The following COL23A1 variants were observed in gnomAD, a reference collection of about 807,000 sequenced individuals.
COL23A1 encodes the protein collagen alpha-1(XXIII) chain.
In COL23A1, 97 loss-of-function variants were observed where a neutral mutation model predicts 99.3. The ratio of observed to expected loss-of-function variants is 0.98; its 90% CI spans 0.83 to 1.16. The LOEUF (loss-of-function observed/expected upper bound fraction) is 1.16. Among genes scored for constraint, COL23A1 ranks in the 50% most tolerant of loss-of-function variants. The pLI, the probability that COL23A1 is intolerant of heterozygous loss-of-function variation, is 0.00. For synonymous variants in COL23A1, 320 were observed against 308.2 expected (o/e 1.04, Z -0.40); for missense variants, 762 against 757.4 (o/e 1.01, Z -0.07).
chr5:178,275,388 A>G (rs72819037), intron 5 of COL23A1, among the ~76,000 whole-genome samples: 10,877 of 152,266 alleles, frequency 0.071, 492 homozygotes, highest in East Asian at 0.11. Context: ...CCACCTGTGA[A>G]GCTGAGGCTT....
intron 2 of COL23A1, among the ~76,000 whole-genome samples, chr5:178,353,891 G>A (rs998592763): frequency 6.6e-6 from 1 of 151,208 alleles, no homozygotes; most frequent in Non-Finnish European, 1.5e-5. Flanking sequence ...GATAGACCAC[G>A]ATGTAGAAAC....
chr5:178,259,686 A>G, intron 12 of COL23A1, 35 bp downstream of exon 12: 3 of 1,591,092 alleles, frequency 1.9e-6, no homozygotes, highest in Non-Finnish European at 2.6e-6. Flanking sequence ...ACTTCCCAAC[A>G]CTGACCCGGA....
chr5:178,248,079 C>T, intron 20 of COL23A1, 113 bp downstream of exon 20: 6 of 799,804 alleles, frequency 7.5e-6, no homozygotes, highest in Non-Finnish European at 1.3e-5. Context: ...TCTCCCTCCC[C>T]TACTGCCCTG....
chr5:178,573,362 C>A (rs1763200537), intron 1 of COL23A1, among the ~76,000 whole-genome samples: 2 of 152,228 alleles, frequency 1.3e-5, no homozygotes, highest in African/African-American at 4.8e-5. Flanking sequence ...CCAGCAGAGT[C>A]ATGGCAAAGG....
intron 5 of COL23A1, among the ~76,000 whole-genome samples, chr5:178,285,877 G>A (rs1165551476): frequency 1.3e-5 from 2 of 152,252 alleles, no homozygotes; most frequent in Non-Finnish European, 2.9e-5. Flanking sequence ...TTCCACTCAG[G>A]ACTGGGCCCC....
At position 178,565,307 on chromosome 5, in the gene COL23A1, G is replaced by A. The variant is rs1351088778; in HGVS notation, c.295-4559C>T. On this transcript the variant is annotated intron_variant, in intron 1 of 28. Coordinates refer to ENST00000390654, the MANE Select transcript of COL23A1 (RefSeq NM_173465.4). ...AAATCCCCCCGCTGAGGGCAATTTC[G>A]GAGCGACAGACTCTGTCTCCTCAGG... Among the ~76,000 whole-genome samples, 11 of 152,258 alleles carry A rather than the reference G, an allele frequency of 7.2e-5. No homozygotes were observed. The East Asian group carries it at 1.2e-3, about 16-fold the overall frequency.
chr5:178,438,761 A>C (rs983632493), intron 2 of COL23A1: 2 of 152,236 alleles, frequency 1.3e-5, no homozygotes, highest in African/African-American at 4.8e-5. Flanking sequence ...CGAGAGAATC[A>C]AGAACACTCT....
Position 178,248,251 on chromosome 5 carries a change from C to A in COL23A1, c.1153G>T (p.Ala385Ser), listed in dbSNP as rs1253792479. The part of the protein sequence containing the change: ...GEMGLSGLPG[A>S]DGLKGEKGES... ...CCCTTCTCCCCCTTGAGGCCGTCAG[C>A]GCCCTGCAGGACGGCAATGGCCTGT... The change falls in exon 20 of 29, where the codon GCT (alanine) becomes TCT (serine). Residue 385 changes from alanine to serine, a missense_variant. By Grantham distance (99) the Ala-to-Ser change is moderately conservative (BLOSUM62 1). Coordinates refer to ENST00000390654, the MANE Select transcript of COL23A1 (RefSeq NM_173465.4). The A allele has an allele frequency of 6.2e-7, 1 of 1,609,022 alleles. No individual in the cohort carries two copies.
intron 1 of COL23A1, among the ~76,000 whole-genome samples, chr5:178,588,082 G>A (rs939505457): frequency 6.6e-6 from 1 of 152,190 alleles, no homozygotes; most frequent in African/African-American, 2.4e-5. Context: ...CAGAATACAG[G>A]GTTCCCTGGA....
At chr5:178,586,742 C>G (rs1286650483) in intron 1 of COL23A1, among the ~76,000 whole-genome samples, 1 of 152,128 alleles carries the variant, frequency 6.6e-6, no homozygotes, top group Non-Finnish European at 1.5e-5. Flanking sequence ...ATGATTTACA[C>G]TGCATCTCCA....
chr5:178,454,788 T>C (rs1767675517), intron 2 of COL23A1, among the ~76,000 whole-genome samples: 1 of 152,256 alleles, frequency 6.6e-6, no homozygotes, highest in South Asian at 2.1e-4. Context: ...CATTAATCCT[T>C]TATTGCGTGT....
Position 178,415,788 on chromosome 5 carries a change from A to G in COL23A1, c.362-108869T>C, listed in dbSNP as rs1381773829. ...GAGAGCTCCCAGCCTAGCGGGAGGT[A>G]GACAGGCAAACAAGAAAGACTGAAA... On this transcript the variant is annotated intron_variant, in intron 2 of 28. Coordinates refer to ENST00000390654, the MANE Select transcript of COL23A1 (RefSeq NM_173465.4). This position sits in a 1 kb window ranked among gnomAD's most constrained non-coding sequence, Gnocchi z 4.6. 6.6e-6 allele frequency among the ~76,000 whole-genome samples: 1 copy of G among 152,146 alleles called. No homozygotes were observed. The highest frequency in any genetic ancestry group is 1.5e-5 in the Non-Finnish European group (1 of 68,020).
chr5:178,562,250 A>G (rs943659907), intron 1 of COL23A1: 10 of 149,316 alleles, frequency 6.7e-5, no homozygotes, highest in South Asian at 4.5e-4. Flanking sequence ...TCAAAAAAAG[A>G]AAAAAAAAAA....
At chr5:178,269,844 C>A (rs899634869) in intron 6 of COL23A1, among the ~76,000 whole-genome samples, 10 of 151,376 alleles carry the variant, frequency 6.6e-5, no homozygotes, top group Non-Finnish European at 1.5e-4. Flanking sequence ...CCGACTCACC[C>A]ATCCATCCAT....
intron 2 of COL23A1, among the ~76,000 whole-genome samples, chr5:178,483,950 T>A (rs1237585842): frequency 1.3e-5 from 2 of 152,178 alleles, no homozygotes; most frequent in Admixed American, 1.3e-4. Flanking sequence ...TTTTTTTTTT[T>A]CTTTGAGGCA....
At chr5:178,262,892 G>T (rs762339691) in intron 9 of COL23A1, among the ~76,000 whole-genome samples, 3 of 152,144 alleles carry the variant, frequency 2.0e-5, no homozygotes, top group Non-Finnish European at 4.4e-5. Flanking sequence ...CGTAGACCAG[G>T]ATTTGGGAAT....
At chr5:178,587,684 G>C (rs1326190146) in intron 1 of COL23A1, among the ~76,000 whole-genome samples, 1 of 152,096 alleles carries the variant, frequency 6.6e-6, no homozygotes, top group Admixed American at 6.5e-5. Context: ...ATATTTATTT[G>C]GCTTTCATAT....
At chr5:178,305,825 G>C (rs1000800197) in intron 3 of COL23A1, among the ~76,000 whole-genome samples, 20 of 152,208 alleles carry the variant, frequency 1.3e-4, no homozygotes, top group Non-Finnish European at 2.1e-4. Context: ...CCGAGACATG[G>C]AGAAGGAGGC....
chr5:178,579,738 C>T (rs1763565717), intron 1 of COL23A1, among the ~76,000 whole-genome samples: 1 of 152,132 alleles, frequency 6.6e-6, no homozygotes, highest in Non-Finnish European at 1.5e-5. Context: ...AGGCATGAGC[C>T]ACCGCGTCTG....
Sources: allele counts gnomAD v4.1 joint callset (sites outside exome capture counted in the v4.1 genomes callset), GRCh38; gene constraint gnomAD v4.1.1; non-coding constraint Gnocchi (gnomAD v3.1); transcripts MANE v1.5; gene names NCBI Gene and HGNC (gene_info 2026-07-23, HGNC 2026-07-21).